The following SUSD4 variants were observed in gnomAD, a reference collection of about 807,000 sequenced individuals.
The protein encoded by SUSD4 is sushi domain containing 4.
Under a neutral mutation model 50.5 loss-of-function variants are expected in SUSD4, and 41 were observed. That is an observed-to-expected ratio of 0.81 (90% CI 0.63 to 1.05). SUSD4 has a LOEUF of 1.05. Ranked by LOEUF, SUSD4 falls within the 50% of genes least tolerant of loss-of-function variation. The pLI is 0.00. For synonymous variants in SUSD4, 257 were observed against 257.3 expected, an observed-to-expected ratio of 1.00 and a Z score of 0.01; for missense variants, 580 against 634.7, an observed-to-expected ratio of 0.91 and a Z score of 0.93.
intron 2 of SUSD4, among the ~76,000 whole-genome samples, chr1:223,320,042 G>A (rs531356055): frequency 2.6e-4 from 39 of 152,340 alleles, no homozygotes; most frequent in South Asian, 2.3e-3. Flanking sequence ...AGGATTAGAA[G>A]TGCTCCTAAG....
At chr1:223,250,998 C>A (rs796732285) in intron 5 of SUSD4, among the ~76,000 whole-genome samples, 2 of 152,126 alleles carry the variant, frequency 1.3e-5, no homozygotes, top group Admixed American at 1.3e-4. Flanking sequence ...AATTGGGTAT[C>A]CCCCAGATTC....
In SUSD4 at chr1:223,268,813, T is replaced by C. The variant is rs1662707663; in HGVS notation, c.362-138A>G. 4 of 866,142 alleles carry C rather than the reference T, an allele frequency of 4.6e-6. No individual in the cohort carries two copies. In the South Asian group the frequency reaches 7.4e-5, roughly 16 times the overall value. 53.7% of individuals were successfully genotyped at this position (866,142 alleles called of 1,614,324 possible). A position where few individuals can be genotyped will look rare whatever the true frequency, so the allele number is the denominator to read the frequency against. On this transcript the variant is annotated intron_variant, in intron 3 of 8. Coordinates refer to ENST00000366878, the MANE Select transcript of SUSD4 (RefSeq NM_017982.4). The stretch of plus-strand genomic sequence containing the variant: ...TGATAAATGGTACCTCATTTGTCAC[T>C]AGGCTCAGGTGCCAATGACGAGCAG...
At chr1:223,306,118 A>G (rs1665520576) in intron 2 of SUSD4, among the ~76,000 whole-genome samples, 1 of 152,208 alleles carries the variant, frequency 6.6e-6, no homozygotes, top group South Asian at 2.1e-4. Context: ...TCCCCATTTG[A>G]TGCCAGAACT....
chr1:223,287,121 G>T (rs1367873900), intron 3 of SUSD4, among the ~76,000 whole-genome samples: 1 of 152,182 alleles, frequency 6.6e-6, no homozygotes, highest in Non-Finnish European at 1.5e-5. Context: ...TGTAGCTCAG[G>T]CTGGAGTACA....
At chr1:223,362,703 G>A (rs139062316) in intron 2 of SUSD4, among the ~76,000 whole-genome samples, 539 of 152,272 alleles carry the variant, frequency 3.5e-3, no homozygotes, top group Admixed American at 7.2e-3. Context: ...GAATACCTCT[G>A]CACCTCCTCC....
chr1:223,223,445 G>A lies in SUSD4; in HGVS notation c.1248C>T (p.Gly416=), dbSNP rs775003869. Residue 416 remains glycine, a synonymous_variant, in exon 8 of 9, where the codon GGC becomes GGT. Coordinates refer to ENST00000366878, the MANE Select transcript of SUSD4 (RefSeq NM_017982.4). ...CTGGGCCTGTGTCCGTGTCCCCTGA[G>A]CCGGGGTATGCTGGGGGGCTCTGGT... The part of the protein sequence containing the change: ...VDDQSPPAYP[G]SGDTDTGPGE... 2.5e-6 allele frequency: 4 copies of A among 1,614,046 alleles called. No individual in the cohort carries two copies. Among genetic ancestry groups the A allele is most frequent in the Non-Finnish European group, 3.4e-6 (4 of 1,179,996 alleles).
At chr1:223,294,706 C>T (rs543791895) in intron 2 of SUSD4, among the ~76,000 whole-genome samples, 1 of 152,232 alleles carries the variant, frequency 6.6e-6, no homozygotes, top group East Asian at 1.9e-4. Flanking sequence ...AGGAGCAGGT[C>T]TGATATTTTA....
At chr1:223,297,816 G>A (rs1387644278) in intron 2 of SUSD4, among the ~76,000 whole-genome samples, 1 of 152,152 alleles carries the variant, frequency 6.6e-6, no homozygotes, top group Non-Finnish European at 1.5e-5. Flanking sequence ...CATCTGGCAT[G>A]GTGTGTGGTA....
chr1:223,317,622 C>T (rs1165620853), intron 2 of SUSD4, among the ~76,000 whole-genome samples: 1 of 152,086 alleles, frequency 6.6e-6, no homozygotes, highest in Non-Finnish European at 1.5e-5. Flanking sequence ...TTTGAAATTG[C>T]ATTTAGTCTT....
chr1:223,294,494 A>G (rs1295868111), intron 2 of SUSD4, among the ~76,000 whole-genome samples: 1 of 152,194 alleles, frequency 6.6e-6, no homozygotes, highest in Non-Finnish European at 1.5e-5. Flanking sequence ...CACCTGGCTT[A>G]TGATGCTAGA....
At chr1:223,339,526 A>G (rs1192319512) in intron 2 of SUSD4, among the ~76,000 whole-genome samples, 1 of 152,174 alleles carries the variant, frequency 6.6e-6, no homozygotes, top group Non-Finnish European at 1.5e-5. Context: ...CCATGCTCCC[A>G]AAGTCTAATC....
rs1203610936 is a variant in SUSD4, at chr1:223,229,740, T to C, written c.725-352A>G. 6.6e-6 allele frequency among the ~76,000 whole-genome samples: 1 copy of C among 152,200 alleles called. No homozygotes were observed. The highest frequency in any genetic ancestry group is 1.9e-4 in the East Asian group (1 of 5,204). On this transcript the variant is annotated intron_variant, in intron 5 of 8. Transcript: ENST00000366878. The surrounding 1 kb of genome is among the most constrained non-coding windows in gnomAD (Gnocchi z 4.7). ...TGCCAGACAACCTAGTAAATAAAATTAACATATTTCTGTACAAAATCTTTA... is the reference window on the plus strand; with the variant it reads ...TGCCAGACAACCTAGTAAATAAAATCAACATATTTCTGTACAAAATCTTTA...
intron 2 of SUSD4, among the ~76,000 whole-genome samples, chr1:223,317,042 G>A (rs1293337544): frequency 6.6e-6 from 1 of 152,166 alleles, no homozygotes; most frequent in Non-Finnish European, 1.5e-5. Flanking sequence ...TCTTGACTAG[G>A]AGCTGGATAA....
chr1:223,239,743 C>G (rs138272715), intron 5 of SUSD4, among the ~76,000 whole-genome samples: 1 of 151,394 alleles, frequency 6.6e-6, no homozygotes, highest in African/African-American at 2.4e-5. Context: ...GTGTAATATA[C>G]CTAAGTATAT....
intron 5 of SUSD4, among the ~76,000 whole-genome samples, chr1:223,256,683 A>G (rs539830594): frequency 6.6e-6 from 1 of 152,232 alleles, no homozygotes; most frequent in South Asian, 2.1e-4. Context: ...GTTCTGGTTA[A>G]GAGCAGAATC....
chr1:223,277,340 C>T (rs1403838992), intron 3 of SUSD4, among the ~76,000 whole-genome samples: 1 of 151,744 alleles, frequency 6.6e-6, no homozygotes, highest in Non-Finnish European at 1.5e-5. Context: ...TGCAAGGAAC[C>T]GAGACAAGGT....
rs993522374 is a variant in SUSD4, at chr1:223,221,343, TA to T, written c.*848del. On this transcript the variant is annotated 3_prime_UTR_variant, in exon 9 of 9. Coordinates refer to ENST00000366878, the MANE Select transcript of SUSD4 (RefSeq NM_017982.4). ...AGATAAATGTTAAGTGGAGTCTTTT[TA>T]AAATGCTGAAACAAAACATTACCTT... The T allele has an allele frequency of 5.4e-6, 2 of 373,290 alleles. No individual in the cohort carries two copies. Among genetic ancestry groups the T allele is most frequent in the African/African-American group, 4.1e-5 (2 of 48,202 alleles). The allele number at this position is 373,290 out of a possible 1,614,324, so 23.1% of individuals were successfully genotyped here. A position where few individuals can be genotyped will look rare whatever the true frequency, so the allele number is the denominator to read the frequency against.
chr1:223,363,712 G>C (rs1332588706), intron 1 of SUSD4: 3 of 372,546 alleles, frequency 8.1e-6, no homozygotes, highest in Non-Finnish European at 4.9e-6. Context: ...GCAGGGGTTA[G>C]CGCACATTGG....
At chr1:223,330,823 G>A (rs1054217960) in intron 2 of SUSD4, among the ~76,000 whole-genome samples, 5 of 152,168 alleles carry the variant, frequency 3.3e-5, no homozygotes, top group African/African-American at 1.2e-4. Flanking sequence ...AAAAACAAGG[G>A]AGTCTCATGG....
Sources: allele counts gnomAD v4.1 joint callset (sites outside exome capture counted in the v4.1 genomes callset), GRCh38; gene constraint gnomAD v4.1.1; non-coding constraint Gnocchi (gnomAD v3.1); transcripts MANE v1.5; gene names NCBI Gene and HGNC (gene_info 2026-07-23, HGNC 2026-07-21).